CYB5B: variants seen among roughly 807,000 people sequenced by gnomAD.
CYB5B encodes cytochrome b5 type B (outer mitochondrial membrane).
In CYB5B, 14 loss-of-function variants were observed where a neutral mutation model predicts 21.3. That is an observed-to-expected ratio of 0.66 (90% confidence interval 0.43 to 1.03). The LOEUF (loss-of-function observed/expected upper bound fraction) is 1.03. CYB5B is among the 50% of genes least tolerant of loss of function. The probability of loss-of-function intolerance (pLI) is 0.00; values close to 1 mark genes in which losing one functional copy is unlikely to be tolerated. For synonymous variants in CYB5B, 69 were observed against 68.4 expected, an observed-to-expected ratio of 1.01 and a Z score of -0.04; for missense variants, 166 against 185.1, an observed-to-expected ratio of 0.90 and a Z score of 0.60.
intron 1 of CYB5B, among the ~76,000 whole-genome samples, chr16:69,446,112 T>C (rs151091690): frequency 6.6e-6 from 1 of 152,302 alleles, no homozygotes; most frequent in African/African-American, 2.4e-5. Context: ...TAGATGGTAT[T>C]ATATTATGCT....
At chr16:69,456,567 C>T (rs1343774404) in intron 3 of CYB5B, among the ~76,000 whole-genome samples, 1 of 152,148 alleles carries the variant, frequency 6.6e-6, no homozygotes, top group East Asian at 1.9e-4. Context: ...ATTTGATTCA[C>T]CACTTGTAAC....
chr16:69,433,994 A>G (rs2014732229), intron 1 of CYB5B, among the ~76,000 whole-genome samples: 1 of 152,234 alleles, frequency 6.6e-6, no homozygotes, highest in East Asian at 1.9e-4. Flanking sequence ...GAAAAGGTGC[A>G]ATAAAAATAT....
At chr16:69,434,709 C>T (rs2014741764) in intron 1 of CYB5B, among the ~76,000 whole-genome samples, 2 of 151,950 alleles carry the variant, frequency 1.3e-5, no homozygotes, top group South Asian at 4.2e-4. Context: ...TCTAAAAATA[C>T]AAAGTTAGCC....
At chr16:69,442,598 C>T (rs62050128) in intron 1 of CYB5B, among the ~76,000 whole-genome samples, 14,077 of 151,478 alleles carry the variant, frequency 0.093, 692 homozygotes, top group Middle Eastern at 0.13. Context: ...CGCCATGCCT[C>T]GAATTCCTTG....
intron 1 of CYB5B, among the ~76,000 whole-genome samples, chr16:69,434,594 T>A (rs183576531): frequency 6.6e-6 from 1 of 152,216 alleles, no homozygotes; most frequent in East Asian, 1.9e-4. Context: ...GGCCAGGTGC[T>A]GTGGCTCACG....
chr16:69,437,409 G>T (rs1343571946), intron 1 of CYB5B, among the ~76,000 whole-genome samples: 1 of 152,070 alleles, frequency 6.6e-6, no homozygotes, highest in African/African-American at 2.4e-5. Context: ...GTCTTACTAG[G>T]TTTACTTAAT....
chr16:69,433,117 C>T (rs1164562225), intron 1 of CYB5B, among the ~76,000 whole-genome samples: 3 of 152,094 alleles, frequency 2.0e-5, no homozygotes, highest in Non-Finnish European at 4.4e-5. Context: ...TACTCTTAAC[C>T]GTACCCTAGG....
At chr16:69,424,991 A>T in intron 1 of CYB5B, 134 bp downstream of exon 1, 2 of 891,980 alleles carry the variant, frequency 2.2e-6, no homozygotes, top group Non-Finnish European at 3.1e-6. Context: ...CGACCCTCAG[A>T]GGGAAACTGG....
Position 69,459,114 on chromosome 16 carries a change from T to A in CYB5B, c.355T>A (p.Cys119Ser). 1 of 1,605,098 alleles carries A rather than the reference T, an allele frequency of 6.2e-7. No individual in the cohort carries two copies. The highest frequency in any genetic ancestry group is 8.5e-7 in the Non-Finnish European group (1 of 1,177,014). ...GSKDPSKNDT[C>S]KSCWAYWILP... ...TCAGGACCCTTCAAAAAATGATACA[T>A]GCAAAAGGTTAGTATCTCCTTAACA... The change falls in exon 4 of 5, where the codon TGC (cysteine) becomes AGC (serine). Residue 119 changes from cysteine (C) to serine (S), a missense_variant. By Grantham distance (112) the Cys-to-Ser change is moderately radical (BLOSUM62 -1). Transcript: ENST00000307892.
chr16:69,434,239 A>G (rs2014736023), intron 1 of CYB5B, among the ~76,000 whole-genome samples: 1 of 152,230 alleles, frequency 6.6e-6, no homozygotes, highest in African/African-American at 2.4e-5. Flanking sequence ...TTGTGTGAAC[A>G]TACCAAAATT....
chr16:69,446,746 A>G (rs749788745), intron 1 of CYB5B, among the ~76,000 whole-genome samples: 1 of 152,198 alleles, frequency 6.6e-6, no homozygotes, highest in Non-Finnish European at 1.5e-5. Flanking sequence ...TCTCAATAAT[A>G]TTGGCAAAAG....
chr16:69,455,174 A>G (rs2014971396), intron 3 of CYB5B, among the ~76,000 whole-genome samples: 1 of 152,122 alleles, frequency 6.6e-6, no homozygotes. Context: ...GATTATAGGC[A>G]TGAGCCACTG....
At chr16:69,456,172 A>T (rs7206737) in intron 3 of CYB5B, among the ~76,000 whole-genome samples, 4 of 151,974 alleles carry the variant, frequency 2.6e-5, no homozygotes, top group African/African-American at 4.8e-5. Context: ...CAGGGTCTTG[A>T]TCTGTCCTCC....
In CYB5B at chr16:69,464,149, A is replaced by G. The variant is rs2015063416; in HGVS notation, c.*1629A>G. 6.6e-6 allele frequency: 1 copy of G among 152,184 alleles called. No individual in the cohort carries two copies. The highest frequency in any genetic ancestry group is 1.5e-5 in the Non-Finnish European group (1 of 68,038). The allele number at this position is 152,184 out of a possible 1,614,324, so 9.4% of individuals were successfully genotyped here. On this transcript the variant is annotated 3_prime_UTR_variant, in exon 5 of 5. Coordinates refer to ENST00000307892, the MANE Select transcript of CYB5B (RefSeq NM_030579.3). ...CCAGCAAACCAGGGACTGCCCATGT[A>G]AACTATTTAAGAAAAAGTTCAACCC...
intron 1 of CYB5B, among the ~76,000 whole-genome samples, chr16:69,438,084 C>T (rs898937901): frequency 1.3e-5 from 2 of 152,118 alleles, no homozygotes; most frequent in South Asian, 2.1e-4. Flanking sequence ...CTCTTCCCAG[C>T]CTCTGGTAAT....
chr16:69,445,413 CACTT>C (rs944791290), intron 1 of CYB5B, among the ~76,000 whole-genome samples: 3 of 152,110 alleles, frequency 2.0e-5, no homozygotes, highest in African/African-American at 4.8e-5. Context: ...TGGGAAGTAA[CACTT>C]ACAGTTTTTA....
intron 1 of CYB5B, among the ~76,000 whole-genome samples, chr16:69,437,694 C>T (rs1472104350): frequency 6.6e-6 from 1 of 152,104 alleles, no homozygotes; most frequent in African/African-American, 2.4e-5. Flanking sequence ...GTTATGCAGT[C>T]ATCACCACCA....
chr16:69,442,557 G>A (rs1419964134), intron 1 of CYB5B, among the ~76,000 whole-genome samples: 5 of 151,840 alleles, frequency 3.3e-5, no homozygotes, highest in African/African-American at 1.2e-4. Flanking sequence ...TTAGTGACAG[G>A]GTCTCCGTTG....
At chr16:69,455,877 A>G (rs1029448185) in intron 3 of CYB5B, among the ~76,000 whole-genome samples, 8 of 152,016 alleles carry the variant, frequency 5.3e-5, no homozygotes, top group African/African-American at 1.9e-4. Flanking sequence ...TCTTCTCTCT[A>G]CCCTTTAGAA....
Sources: allele counts gnomAD v4.1 joint callset (sites outside exome capture counted in the v4.1 genomes callset), GRCh38; gene constraint gnomAD v4.1.1; transcripts MANE v1.5; gene names NCBI Gene and HGNC (gene_info 2026-07-23, HGNC 2026-07-21).